TJP1: variants seen among roughly 807,000 people sequenced by gnomAD.
The protein encoded by TJP1 is tight junction protein ZO-1.
TJP1 carries 43 observed loss-of-function variants against 194.2 expected under a neutral mutation model. That is an observed-to-expected ratio of 0.22 (90% CI 0.17 to 0.29). The LOEUF (loss-of-function observed/expected upper bound fraction) is 0.29, where lower values mean the gene tolerates loss of function less well. Among genes scored for constraint, TJP1 ranks in the 10% least tolerant of loss-of-function variants. TJP1 has a pLI of 1.00. For synonymous variants in TJP1, 801 were observed against 779.0 expected, an observed-to-expected ratio of 1.03 and a Z score of -0.47; for missense variants, 1,971 against 2,185.7, an observed-to-expected ratio of 0.90 and a Z score of 1.96.
chr15:29,790,584 C>T (rs1407884889), intron 2 of TJP1, among the ~76,000 whole-genome samples: 2 of 152,042 alleles, frequency 1.3e-5, no homozygotes, highest in South Asian at 2.1e-4. Flanking sequence ...GTGAAATACA[C>T]AATAAATTAA....
chr15:29,892,922 TA>T (rs1243963742), intron 2 of TJP1, among the ~76,000 whole-genome samples: 2 of 152,346 alleles, frequency 1.3e-5, no homozygotes, highest in African/African-American at 4.8e-5. Flanking sequence ...TTTTGAGTCT[TA>T]ATATCTAAAA....
At chr15:29,854,570 C>G (rs775811440) in intron 2 of TJP1, among the ~76,000 whole-genome samples, 1 of 152,190 alleles carries the variant, frequency 6.6e-6, no homozygotes, top group Non-Finnish European at 1.5e-5. Flanking sequence ...GGAACACATT[C>G]TCCCCTGGCT....
intron 2 of TJP1, among the ~76,000 whole-genome samples, chr15:29,924,420 G>A (rs939979): frequency 0.19 from 28,979 of 152,132 alleles, 2,878 homozygotes; most frequent in East Asian, 0.35. Context: ...ATGTTTAACA[G>A]TAGAAGAATC....
intron 2 of TJP1, among the ~76,000 whole-genome samples, chr15:29,937,680 T>C (rs935319043): frequency 1.3e-5 from 2 of 152,176 alleles, no homozygotes; most frequent in Non-Finnish European, 2.9e-5. Context: ...AGAGTCGTAC[T>C]TCACACAATC....
intron 8 of TJP1, chr15:29,759,004 C>G (rs1289202804): frequency 2.0e-5 from 3 of 152,162 alleles, no homozygotes; most frequent in Admixed American, 6.5e-5. Flanking sequence ...ACAAGTTATC[C>G]TCTTCTCTTA....
chr15:29,740,010 C>T (rs547671814), intron 10 of TJP1, among the ~76,000 whole-genome samples: 17 of 150,108 alleles, frequency 1.1e-4, no homozygotes, highest in African/African-American at 2.7e-4. Context: ...TTTTTTGAGA[C>T]GGAGTCTCGC....
chr15:29,814,376 C>T (rs1285220494), intron 1 of TJP1, among the ~76,000 whole-genome samples: 1 of 152,168 alleles, frequency 6.6e-6, no homozygotes, highest in Non-Finnish European at 1.5e-5. Flanking sequence ...TTTCTAGGAT[C>T]GGGATCCCAA....
intron 2 of TJP1, among the ~76,000 whole-genome samples, chr15:29,799,593 T>A (rs1262196077): frequency 6.6e-6 from 1 of 151,964 alleles, no homozygotes; most frequent in Non-Finnish European, 1.5e-5. Flanking sequence ...TTTTTTGTAT[T>A]TTTAGTACAG....
chr15:29,706,232 G>A (rs1285672492), intron 25 of TJP1, among the ~76,000 whole-genome samples: 2 of 152,062 alleles, frequency 1.3e-5, no homozygotes, highest in African/African-American at 2.4e-5. Context: ...CGCGCCTGGC[G>A]AGAATATTAT....
chr15:29,827,277 A>C (rs1214237063), upstream of TJP1, among the ~76,000 whole-genome samples: 5 of 152,158 alleles, frequency 3.3e-5, no homozygotes, highest in Admixed American at 3.3e-4. Flanking sequence ...AAAGTCCCCA[A>C]ACCCTGTCCC....
At chr15:29,773,638 T>C (rs1300279941) in intron 2 of TJP1, among the ~76,000 whole-genome samples, 2 of 152,222 alleles carry the variant, frequency 1.3e-5, no homozygotes, top group Non-Finnish European at 2.9e-5. Context: ...GATCCTGACT[T>C]TATTTTTGAT....
At chr15:29,904,378 T>C (rs2053736620) in intron 2 of TJP1, among the ~76,000 whole-genome samples, 1 of 152,004 alleles carries the variant, frequency 6.6e-6, no homozygotes, top group Admixed American at 6.6e-5. Flanking sequence ...GTTATCAAAT[T>C]TGGCATGCAG....
intron 2 of TJP1, among the ~76,000 whole-genome samples, chr15:29,798,846 A>T (rs2048588158): frequency 6.6e-6 from 1 of 152,234 alleles, no homozygotes; most frequent in South Asian, 2.1e-4. Context: ...CTACTGATAG[A>T]GTAACATCAT....
intron 26 of TJP1, among the ~76,000 whole-genome samples, chr15:29,704,970 A>T (rs944936366): frequency 1.3e-5 from 2 of 152,240 alleles, no homozygotes. Flanking sequence ...AAATCACAAC[A>T]CACTTCGTTA....
chr15:29,770,316 G>A (rs1041881987), intron 4 of TJP1, among the ~76,000 whole-genome samples: 2 of 151,686 alleles, frequency 1.3e-5, no homozygotes, highest in Non-Finnish European at 2.9e-5. Flanking sequence ...GGTAGCGGTC[G>A]CCTGTAATCC....
intron 2 of TJP1, among the ~76,000 whole-genome samples, chr15:29,875,250 C>T (rs1258725743): frequency 6.6e-6 from 1 of 152,160 alleles, no homozygotes; most frequent in African/African-American, 2.4e-5. Flanking sequence ...TGTGGCCATC[C>T]GCAGAATAGG....
intron 2 of TJP1, among the ~76,000 whole-genome samples, chr15:29,941,572 C>T (rs1228478596): frequency 6.6e-6 from 1 of 152,114 alleles, no homozygotes; most frequent in Non-Finnish European, 1.5e-5. Context: ...TCTCCGGTCC[C>T]CCCTCTGCCC....
At chr15:29,754,326 AC>A (rs2045502590) in intron 8 of TJP1, among the ~76,000 whole-genome samples, 1 of 152,188 alleles carries the variant, frequency 6.6e-6, no homozygotes, top group Admixed American at 6.5e-5. Flanking sequence ...AATGGTAAGA[AC>A]TTACGAACAC....
In TJP1 at chr15:29,701,591, A is replaced by G. The variant is rs369776429; in HGVS notation, c.*4T>C. 6.2e-7 allele frequency: 1 copy of G among 1,607,956 alleles called. No individual in the cohort carries two copies. Among genetic ancestry groups the G allele is most frequent in the African/African-American group, 1.3e-5 (1 of 74,828 alleles). ...ACATTATTTAAGTTCCTATATTTCA[A>G]GAGTTAAAAGTGGTCAATAAGGACA... On this transcript the variant is annotated 3_prime_UTR_variant, in exon 28 of 28. Transcript: ENST00000614355.
Sources: allele counts gnomAD v4.1 joint callset (sites outside exome capture counted in the v4.1 genomes callset), GRCh38; gene constraint gnomAD v4.1.1; transcripts MANE v1.5; gene names NCBI Gene and HGNC (gene_info 2026-07-23, HGNC 2026-07-21).